The following CACNA1B variants were observed in gnomAD, a reference collection of about 807,000 sequenced individuals.
The protein encoded by CACNA1B is voltage-dependent N-type calcium channel subunit alpha-1B.
A neutral mutation model predicts 247.2 loss-of-function variants in CACNA1B; 70 were observed. That is an observed-to-expected ratio of 0.28 (90% CI 0.23 to 0.35). The LOEUF is 0.35. CACNA1B is among the 10% of genes least tolerant of loss of function. The probability of loss-of-function intolerance (pLI) is 1.00; values close to 1 mark genes in which losing one functional copy is unlikely to be tolerated. For missense variants in CACNA1B, 2,367 were observed against 3,197.4 expected, an observed-to-expected ratio of 0.74 and a Z score of 6.26; for synonymous variants, 1,231 against 1,294.4, an observed-to-expected ratio of 0.95 and a Z score of 1.05.
At chr9:137,883,472 C>A (rs1411297665) in intron 3 of CACNA1B, among the ~76,000 whole-genome samples, 1 of 151,860 alleles carries the variant, frequency 6.6e-6, no homozygotes, top group Admixed American at 6.6e-5. Flanking sequence ...CTTGTGATTG[C>A]CAAAGTAACC....
chr9:137,898,653 A>G (rs1957198331), intron 3 of CACNA1B, among the ~76,000 whole-genome samples: 1 of 151,068 alleles, frequency 6.6e-6, no homozygotes, highest in Non-Finnish European at 1.5e-5. Flanking sequence ...CTACAGGCAC[A>G]TGCCACCAAG....
chr9:137,981,511 C>T (rs906333913), intron 12 of CACNA1B, among the ~76,000 whole-genome samples: 14 of 152,204 alleles, frequency 9.2e-5, no homozygotes, highest in Non-Finnish European at 1.5e-4. Context: ...GTGTCTCGCT[C>T]TGTTGCCCAG....
At chr9:137,940,171 A>G (rs1957717018) in intron 6 of CACNA1B, among the ~76,000 whole-genome samples, 2 of 152,230 alleles carry the variant, frequency 1.3e-5, no homozygotes, top group Admixed American at 1.3e-4. Context: ...GTAGCCCATT[A>G]GCAAGTTTAA....
At position 137,910,061 on chromosome 9, in the gene CACNA1B, G is replaced by A. The variant is rs113863147; in HGVS notation, c.531-3119G>A. On this transcript the variant is annotated intron_variant, in intron 3 of 46. Transcript: ENST00000371372. ...GTTGGGATTACAGGTGTGAGCCACC[G>A]CGCCTGGCCAATAATAGCTATCTTA... Among the ~76,000 whole-genome samples the A allele has an allele frequency of 6.3e-4, 96 of 152,230 alleles. 2 individuals are homozygous for A. The highest frequency in any genetic ancestry group is 2.1e-3 in the African/African-American group (87 of 41,526).
intron 6 of CACNA1B, among the ~76,000 whole-genome samples, chr9:137,930,269 C>T (rs896726955): frequency 2.0e-5 from 3 of 152,130 alleles, no homozygotes; most frequent in Non-Finnish European, 1.5e-5. Flanking sequence ...TTAGCTGTGT[C>T]CTGCAATTTG....
intron 20 of CACNA1B, among the ~76,000 whole-genome samples, chr9:138,042,658 C>A (rs544094783): frequency 6.6e-6 from 1 of 152,234 alleles, no homozygotes; most frequent in East Asian, 1.9e-4. Flanking sequence ...CAAAAGTGGT[C>A]GCTTTAAACT....
intron 7 of CACNA1B, among the ~76,000 whole-genome samples, chr9:137,953,018 G>T (rs934697533): frequency 1.3e-5 from 2 of 152,206 alleles, no homozygotes; most frequent in African/African-American, 2.4e-5. Context: ...GAGAGAGAGG[G>T]CTCAGGGCTG....
intron 31 of CACNA1B, among the ~76,000 whole-genome samples, chr9:138,061,417 A>G (rs1959717712): frequency 6.6e-6 from 1 of 151,960 alleles, no homozygotes; most frequent in Non-Finnish European, 1.5e-5. Context: ...TTCTTTCACC[A>G]TTTCCTCCAT....
At chr9:137,923,429 G>A (rs1589009701) in intron 6 of CACNA1B, among the ~76,000 whole-genome samples, 2 of 141,406 alleles carry the variant, frequency 1.4e-5, no homozygotes, top group African/African-American at 2.7e-5. Flanking sequence ...GGCTCCAGGT[G>A]GTATTCCGTG....
rs1018711618 is a variant in CACNA1B, at chr9:138,007,314, T to C, written c.2092+430T>C. On this transcript the variant is annotated intron_variant, in intron 16 of 46. Transcript: ENST00000371372. This position sits in a 1 kb window ranked among gnomAD's most constrained non-coding sequence, Gnocchi z 4.1. ...CAGAGAAATGTAAGGAAAGGTTTTC[T>C]GTGGAGGATGTCAGTTGGGCTGTTT... Among the ~76,000 whole-genome samples, 5 of 152,208 alleles carry C rather than the reference T, an allele frequency of 3.3e-5. No homozygotes were observed. The highest frequency in any genetic ancestry group is 5.9e-5 in the Non-Finnish European group (4 of 68,038).
At chr9:137,988,752 G>C (rs988884615) in intron 15 of CACNA1B, among the ~76,000 whole-genome samples, 24 of 152,154 alleles carry the variant, frequency 1.6e-4, no homozygotes, top group African/African-American at 5.6e-4. Flanking sequence ...AAGTGTGCAG[G>C]TGTGGCTCAG....
chr9:137,927,312 T>G (rs1398509831), intron 6 of CACNA1B, among the ~76,000 whole-genome samples: 2 of 151,414 alleles, frequency 1.3e-5, no homozygotes, highest in Non-Finnish European at 2.9e-5. Flanking sequence ...GGAACCCGCC[T>G]CCTGGGTTCA....
At chr9:137,904,311 A>G (rs969203560) in intron 3 of CACNA1B, among the ~76,000 whole-genome samples, 1 of 148,644 alleles carries the variant, frequency 6.7e-6, no homozygotes, top group Non-Finnish European at 1.5e-5. Context: ...TCTTTCTTTC[A>G]AAATATGTAT....
chr9:137,940,253 A>C (rs974362061), intron 6 of CACNA1B, among the ~76,000 whole-genome samples: 2 of 152,228 alleles, frequency 1.3e-5, no homozygotes, highest in African/African-American at 4.8e-5. Flanking sequence ...AACTGACACC[A>C]CAGAAATACA....
chr9:138,030,178 TATG>T (rs1958971643), intron 20 of CACNA1B, among the ~76,000 whole-genome samples: 1 of 152,246 alleles, frequency 6.6e-6, no homozygotes, highest in African/African-American at 2.4e-5. Context: ...CATCATTTAG[TATG>T]ATATTAGCTG....
chr9:138,013,861 G>A (rs952545406), intron 18 of CACNA1B, among the ~76,000 whole-genome samples: 2 of 152,236 alleles, frequency 1.3e-5, no homozygotes, highest in Non-Finnish European at 2.9e-5. Context: ...AGGAAAGTCT[G>A]GCCCATGGCC....
chr9:138,027,833 T>C (rs969014615), intron 20 of CACNA1B, among the ~76,000 whole-genome samples: 1 of 152,164 alleles, frequency 6.6e-6, no homozygotes, highest in Non-Finnish European at 1.5e-5. Flanking sequence ...GGATTCTCTT[T>C]AACATTTTTT....
At chr9:138,097,836 C>T (rs915982398) in intron 37 of CACNA1B, among the ~76,000 whole-genome samples, 4 of 152,254 alleles carry the variant, frequency 2.6e-5, no homozygotes, top group African/African-American at 7.2e-5. Context: ...TAAACTGCAG[C>T]TCAGCAGAGG....
rs11137314 is a variant in CACNA1B at position 137,922,050 on chromosome 9, A to G, written c.966+4619A>G. 4.7e-3 allele frequency among the ~76,000 whole-genome samples: 674 copies of G among 143,444 alleles called. 6 individuals are homozygous for G. Among genetic ancestry groups the G allele is most frequent in the African/African-American group, 0.016 (618 of 37,590 alleles). 94.1% of individuals were successfully genotyped at this position (143,444 alleles called of 152,430 possible). A position where few individuals can be genotyped will look rare whatever the true frequency, so the allele number is the denominator to read the frequency against. On this transcript the variant is annotated intron_variant, in intron 6 of 46. Coordinates refer to ENST00000371372, the MANE Select transcript of CACNA1B (RefSeq NM_000718.4). ...GCATTCGGAGAACATGATCAGCACC[A>G]CGACCGCACAGCATCCTGGGAGCAG... is the stretch of plus-strand genomic sequence containing the variant.
Sources: gnomAD v4.1 joint callset for allele counts (sites outside exome capture counted in the v4.1 genomes callset) on GRCh38, gnomAD v4.1.1 for gene constraint, Gnocchi (gnomAD v3.1) non-coding constraint, MANE v1.5 for transcripts, NCBI Gene and HGNC (gene_info 2026-07-23, HGNC 2026-07-21) for gene names.